NPAS3: variants seen among roughly 807,000 people sequenced by gnomAD.
The protein encoded by NPAS3 is neuronal PAS domain protein 3, also known as neuronal PAS domain-containing protein 3.
NPAS3 carries 14 observed loss-of-function variants against 73.1 expected under a neutral mutation model. That is an observed-to-expected ratio of 0.19 (90% CI 0.13 to 0.30). NPAS3 has a LOEUF of 0.30. Ranked by LOEUF, NPAS3 falls within the 10% of genes least tolerant of loss-of-function variation. NPAS3 has a pLI of 1.00. For synonymous variants in NPAS3, 620 were observed against 541.5 expected, an observed-to-expected ratio of 1.14 and a Z score of -2.01; for missense variants, 1,096 against 1,250.0, an observed-to-expected ratio of 0.88 and a Z score of 1.86.
At chr14:32,988,810 C>G (rs2038200042) in intron 1 of NPAS3, among the ~76,000 whole-genome samples, 1 of 152,320 alleles carries the variant, frequency 6.6e-6, no homozygotes, top group Admixed American at 6.5e-5. Context: ...TTAAGAAGAC[C>G]TTCCAATTTA....
chr14:32,948,894 G>A (rs148508692), intron 1 of NPAS3, among the ~76,000 whole-genome samples: 3 of 152,104 alleles, frequency 2.0e-5, no homozygotes, highest in South Asian at 2.1e-4. Flanking sequence ...TAAAGGGAGC[G>A]GGGAGAGGGA....
intron 2 of NPAS3, among the ~76,000 whole-genome samples, chr14:33,183,135 C>T (rs963065444): frequency 3.3e-5 from 5 of 152,112 alleles, no homozygotes; most frequent in African/African-American, 9.7e-5. Context: ...CCTTAGAAAT[C>T]CATTCTTGGG....
chr14:33,372,856 TGAG>T (rs1253966812), intron 4 of NPAS3, among the ~76,000 whole-genome samples: 11 of 152,148 alleles, frequency 7.2e-5, no homozygotes, highest in Non-Finnish European at 1.3e-4. Flanking sequence ...TCCGAGAACT[TGAG>T]GAGATCATTA....
intron 5 of NPAS3, among the ~76,000 whole-genome samples, chr14:33,675,971 A>T (rs1014942881): frequency 1.3e-5 from 2 of 151,818 alleles, no homozygotes; most frequent in African/African-American, 4.8e-5. Context: ...TGCAAACAAC[A>T]GTGTGTGAGG....
chr14:33,544,788 T>TTTTATATA (rs1555409893), intron 4 of NPAS3, among the ~76,000 whole-genome samples: 2 of 63,256 alleles, frequency 3.2e-5, no homozygotes, highest in South Asian at 4.4e-4. Flanking sequence ...TGTGTGTGTA[T>TTTTATATA]TATATATATA....
At chr14:33,669,934 A>T (rs775438476) in intron 5 of NPAS3, among the ~76,000 whole-genome samples, 1 of 151,572 alleles carries the variant, frequency 6.6e-6, no homozygotes, top group Non-Finnish European at 1.5e-5. Flanking sequence ...TTTGTTTTTG[A>T]GACAGAGTCT....
chr14:33,436,036 G>A (rs2048975010), intron 4 of NPAS3, among the ~76,000 whole-genome samples: 1 of 152,128 alleles, frequency 6.6e-6, no homozygotes, highest in South Asian at 2.1e-4. Context: ...CCATAAAAGA[G>A]GAGTCAGGCA....
chr14:33,700,930 A>G (rs977913691), intron 6 of NPAS3, among the ~76,000 whole-genome samples: 1 of 152,234 alleles, frequency 6.6e-6, no homozygotes, highest in Admixed American at 6.5e-5. Context: ...ATAAAGCACC[A>G]TGTAGGTTCT....
intron 6 of NPAS3, among the ~76,000 whole-genome samples, chr14:33,726,672 C>T (rs928941186): frequency 2.0e-5 from 3 of 152,130 alleles, no homozygotes; most frequent in Admixed American, 2.0e-4. Context: ...TGCTCCTCCT[C>T]TAAAAGGTAA....
chr14:32,943,670 G>C (rs1177514824), intron 1 of NPAS3, among the ~76,000 whole-genome samples: 1 of 144,970 alleles, frequency 6.9e-6, no homozygotes, highest in Non-Finnish European at 1.5e-5. Flanking sequence ...TTTCTTTTTT[G>C]TTTCTTTATT....
intron 6 of NPAS3, among the ~76,000 whole-genome samples, chr14:33,719,491 G>A (rs1313438907): frequency 6.6e-6 from 1 of 152,108 alleles, no homozygotes; most frequent in Non-Finnish European, 1.5e-5. Context: ...TTTACTCAAA[G>A]CAAATACATT....
At chr14:33,130,852 T>C (rs969157722) in intron 2 of NPAS3, among the ~76,000 whole-genome samples, 3 of 152,192 alleles carry the variant, frequency 2.0e-5, no homozygotes, top group African/African-American at 7.2e-5. Context: ...CATCTCTCTC[T>C]TCCTGAAATT....
At chr14:33,163,623 GTTT>G (rs71448290) in intron 2 of NPAS3, among the ~76,000 whole-genome samples, 6,262 of 110,472 alleles carry the variant, frequency 0.057, 98 homozygotes, top group Middle Eastern at 0.088. Context: ...GTGTTTTGTT[GTTT>G]TTTTTTTTTT....
intron 2 of NPAS3, among the ~76,000 whole-genome samples, chr14:33,211,643 C>CCTAT (rs577419319): frequency 4.6e-5 from 7 of 152,232 alleles, no homozygotes; most frequent in East Asian, 1.9e-4. Context: ...TACTATTTCT[C>CCTAT]CTATCTATCT....
chr14:33,165,053 G>C (rs190061996), intron 2 of NPAS3, among the ~76,000 whole-genome samples: 264 of 152,246 alleles, frequency 1.7e-3, no homozygotes, highest in Non-Finnish European at 2.8e-3. Context: ...AAGTTTAGCA[G>C]AGTGTAAGTC....
intron 3 of NPAS3, among the ~76,000 whole-genome samples, chr14:33,298,186 G>A (rs1182458939): frequency 6.6e-6 from 1 of 152,170 alleles, no homozygotes; most frequent in Non-Finnish European, 1.5e-5. Context: ...GGGAGGCTGA[G>A]ACAGGAGAAT....
intron 2 of NPAS3, among the ~76,000 whole-genome samples, chr14:33,190,314 A>C (rs1483020524): frequency 6.6e-6 from 1 of 152,204 alleles, no homozygotes; most frequent in Non-Finnish European, 1.5e-5. Context: ...TATTCTTGTA[A>C]ATAAGGTGAG....
intron 3 of NPAS3, among the ~76,000 whole-genome samples, chr14:33,351,893 G>A (rs545988909): frequency 1.3e-5 from 2 of 152,230 alleles, no homozygotes; most frequent in South Asian, 2.1e-4. Flanking sequence ...ACCGGGGCCT[G>A]TTGGTGGGTG....
intron 4 of NPAS3, among the ~76,000 whole-genome samples, chr14:33,510,009 G>A (rs2052966407): frequency 6.6e-6 from 1 of 151,880 alleles, no homozygotes; most frequent in African/African-American, 2.4e-5. Flanking sequence ...CACACTTTTT[G>A]TTTCCCCTCC....
Sources: gnomAD v4.1 joint callset for allele counts (sites outside exome capture counted in the v4.1 genomes callset) on GRCh38, gnomAD v4.1.1 for gene constraint, MANE v1.5 for transcripts, NCBI Gene and HGNC (gene_info 2026-07-23, HGNC 2026-07-21) for gene names.